Variants in SHANK2 observed in about 807,000 individuals in gnomAD.
SHANK2 encodes the protein SH3 and multiple ankyrin repeat domains protein 2.
Under a neutral mutation model 133.7 loss-of-function variants are expected in SHANK2, and 43 were observed. The observed-to-expected ratio is 0.32, with a 90% CI of 0.25 to 0.41. SHANK2 has a LOEUF of 0.41. Among genes scored for constraint, SHANK2 ranks in the 10% least tolerant of loss-of-function variants. SHANK2 has a pLI of 1.00. For missense variants in SHANK2, 1,994 were observed against 2,235.8 expected (o/e 0.89, Z 2.18); for synonymous variants, 1,017 against 952.8 (o/e 1.07, Z -1.24).
intron 11 of SHANK2, among the ~76,000 whole-genome samples, chr11:70,824,027 G>C (rs1555056699): frequency 2.7e-5 from 4 of 146,726 alleles, no homozygotes; most frequent in Non-Finnish European, 6.0e-5. Flanking sequence ...GGTGCTGGCA[G>C]GTTTCATTGA....
intron 17 of SHANK2, among the ~76,000 whole-genome samples, chr11:70,629,131 C>T (rs1299453687): frequency 7.9e-5 from 12 of 152,166 alleles, no homozygotes; most frequent in Admixed American, 7.9e-4. Context: ...CGGGCACCCT[C>T]CCTCCTCTGT....
chr11:70,776,504 A>C (rs1237066058), intron 14 of SHANK2, among the ~76,000 whole-genome samples: 1 of 152,152 alleles, frequency 6.6e-6, no homozygotes, highest in Non-Finnish European at 1.5e-5. Flanking sequence ...AGCCTCATGC[A>C]CGCCTCACTG....
intron 17 of SHANK2, among the ~76,000 whole-genome samples, chr11:70,578,933 C>T (rs781898862): frequency 3.3e-5 from 5 of 152,192 alleles, no homozygotes; most frequent in Admixed American, 2.0e-4. Context: ...CCTCCCCTTA[C>T]AGCGCATTCC....
intron 14 of SHANK2, among the ~76,000 whole-genome samples, chr11:70,733,800 G>T (rs1383486832): frequency 6.6e-6 from 1 of 152,200 alleles, no homozygotes; most frequent in African/African-American, 2.4e-5. Context: ...GGCCCAAGAA[G>T]AGGGGCAGGC....
At position 70,569,250 on chromosome 11, in the gene SHANK2, C is replaced by G. The variant is rs118071704; in HGVS notation, c.2062-66319G>C. Among the ~76,000 whole-genome samples, 578 of 152,312 alleles carry G rather than the reference C, an allele frequency of 3.8e-3. 2 individuals carry two copies. Among genetic ancestry groups the G allele is most frequent in the Non-Finnish European group, 6.0e-3 (409 of 68,010 alleles). On this transcript the variant is annotated intron_variant, in intron 17 of 25. Coordinates refer to ENST00000601538, the MANE Select transcript of SHANK2 (RefSeq NM_012309.5). The surrounding 1 kb of genome is among the most constrained non-coding windows in gnomAD (Gnocchi z 5.1). Reference sequence around the variant, plus strand: ...CATCCCGAGCCTAAGTGTGTAGTGACCCCAGGGGAGGCTGGTGGCTAAGCC... The same window carrying G: ...CATCCCGAGCCTAAGTGTGTAGTGAGCCCAGGGGAGGCTGGTGGCTAAGCC...
chr11:71,078,954 C>T (rs1008194863), intron 8 of SHANK2, among the ~76,000 whole-genome samples: 19,350 of 152,282 alleles, frequency 0.13, 1,389 homozygotes, highest in Non-Finnish European at 0.16. Context: ...CCATCCTGCC[C>T]TTGAATTCTT....
intron 17 of SHANK2, among the ~76,000 whole-genome samples, chr11:70,510,296 G>C (rs768381732): frequency 6.6e-6 from 1 of 152,208 alleles, no homozygotes; most frequent in African/African-American, 2.4e-5. Flanking sequence ...CCTGGGGGAA[G>C]GGGTGTTGTG....
chr11:70,784,343 GTTTTTTTTTTTTTTTT>G lies in SHANK2; in HGVS notation c.1777+14084_1777+14099del, dbSNP rs71049942. On this transcript the variant is annotated intron_variant, in intron 14 of 25. Coordinates refer to ENST00000601538, the MANE Select transcript of SHANK2 (RefSeq NM_012309.5). Reference sequence around the variant, plus strand: ...AGGGCGTGCGCCACCACACCGGCTAGTTTTTTTTTTTTTTTTTTTTTTTTTTTTTTTTAAGTAGCGA... The same window carrying G: ...AGGGCGTGCGCCACCACACCGGCTAGTTTTTTTTTTTTTTTTAAGTAGCGA... 1.8e-3 allele frequency among the ~76,000 whole-genome samples: 78 copies of G among 42,858 alleles called. 1 individual carries two copies. Among genetic ancestry groups the G allele is most frequent in the South Asian group, 7.0e-3 (5 of 718 alleles). The allele number at this position is 42,858 out of a possible 152,430, so 28.1% of individuals were successfully genotyped here.
At chr11:71,232,303 C>T (rs899337639) in intron 1 of SHANK2, among the ~76,000 whole-genome samples, 1 of 152,154 alleles carries the variant, frequency 6.6e-6, no homozygotes, top group African/African-American at 2.4e-5. Flanking sequence ...ATTTGAATCT[C>T]GACCGCGTCA....
chr11:70,894,134 T>C (rs938862953), intron 11 of SHANK2, among the ~76,000 whole-genome samples: 3 of 152,220 alleles, frequency 2.0e-5, no homozygotes, highest in African/African-American at 4.8e-5. Context: ...CCAAGGTGGA[T>C]TGTGAAATCA....
intron 7 of SHANK2, among the ~76,000 whole-genome samples, chr11:71,093,974 A>T (rs1294069327): frequency 6.6e-6 from 1 of 152,012 alleles, no homozygotes; most frequent in Non-Finnish European, 1.5e-5. Flanking sequence ...AGGGGCACGG[A>T]GCAGTAAGAC....
At position 70,471,196 on chromosome 11, in the gene SHANK2, A is replaced by G; in HGVS notation, c.*1673T>C. 1 of 398,982 alleles carries G rather than the reference A, an allele frequency of 2.5e-6. No homozygotes were observed. The highest frequency in any genetic ancestry group is 2.1e-5 in the African/African-American group (1 of 48,752). The allele number at this position is 398,982 out of a possible 1,614,324, so 24.7% of individuals were successfully genotyped here. Reference sequence around the variant, plus strand: ...CAACTATTTAAACTTGCAGTAAAGAAAGATTTTAAATTGCTAAATTTTATG... The same window carrying G: ...CAACTATTTAAACTTGCAGTAAAGAGAGATTTTAAATTGCTAAATTTTATG... On this transcript the variant is annotated 3_prime_UTR_variant, in exon 26 of 26. Transcript: ENST00000601538. This position sits in a 1 kb window ranked among gnomAD's most constrained non-coding sequence, Gnocchi z 4.1.
intron 17 of SHANK2, among the ~76,000 whole-genome samples, chr11:70,638,298 A>G (rs581395): frequency 0.42 from 63,613 of 151,804 alleles, 13,705 homozygotes; most frequent in Middle Eastern, 0.48. Flanking sequence ...ACCACAAGCT[A>G]CTCCCAGTGA....
At chr11:70,872,718 C>T (rs1949489542) in intron 11 of SHANK2, among the ~76,000 whole-genome samples, 2 of 152,078 alleles carry the variant, frequency 1.3e-5, no homozygotes, top group South Asian at 4.2e-4. Flanking sequence ...GTTCTGGCCA[C>T]CTGCGGGTCC....
At chr11:71,095,780 C>T (rs1951599076) in intron 6 of SHANK2, among the ~76,000 whole-genome samples, 1 of 152,228 alleles carries the variant, frequency 6.6e-6, no homozygotes, top group Non-Finnish European at 1.5e-5. Context: ...CCCTAGGAAC[C>T]ACTCTGCAGC....
chr11:70,606,315 G>A (rs2060575963), intron 17 of SHANK2, among the ~76,000 whole-genome samples: 2 of 152,044 alleles, frequency 1.3e-5, no homozygotes, highest in Admixed American at 6.6e-5. Context: ...GCTATGGGAG[G>A]CTGAGGTGGG....
At chr11:71,063,657 G>T (rs1469440702) in intron 9 of SHANK2, among the ~76,000 whole-genome samples, 1 of 152,198 alleles carries the variant, frequency 6.6e-6, no homozygotes, top group Admixed American at 6.5e-5. Context: ...TCCCTTGCGA[G>T]GCTGCTGGCT....
chr11:70,820,784 C>A (rs1948502132), intron 11 of SHANK2, 102 bp from the exon 12 acceptor site: 1 of 569,954 alleles, frequency 1.8e-6, no homozygotes, highest in Admixed American at 3.1e-5. Context: ...TCCAAGCCCC[C>A]ATGCGAGCCC....
intron 3 of SHANK2, among the ~76,000 whole-genome samples, chr11:71,138,703 A>G (rs1227762177): frequency 5.3e-5 from 8 of 151,680 alleles, no homozygotes; most frequent in African/African-American, 1.9e-4. Context: ...GGGAAGCTGA[A>G]GCAGGAAGAT....
Sources: allele counts gnomAD v4.1 joint callset (sites outside exome capture counted in the v4.1 genomes callset), GRCh38; gene constraint gnomAD v4.1.1; non-coding constraint Gnocchi (gnomAD v3.1); transcripts MANE v1.5; gene names NCBI Gene and HGNC (gene_info 2026-07-23, HGNC 2026-07-21).